The following CACNA2D2 variants were observed in gnomAD, a reference collection of about 807,000 sequenced individuals.
CACNA2D2 encodes voltage-dependent calcium channel subunit alpha-2/delta-2.
A neutral mutation model predicts 166.4 loss-of-function variants in CACNA2D2; 48 were observed. The observed-to-expected ratio is 0.29, with a 90% CI of 0.23 to 0.37. CACNA2D2 has a LOEUF of 0.37. Ranked by LOEUF, CACNA2D2 falls within the 10% of genes least tolerant of loss-of-function variation. The pLI is 1.00. For missense variants in CACNA2D2, 1,122 were observed against 1,433.0 expected, an observed-to-expected ratio of 0.78 and a Z score of 3.50; for synonymous variants, 561 against 573.7, an observed-to-expected ratio of 0.98 and a Z score of 0.32.
chr3:50,462,544 G>T (rs1274795764), intron 2 of CACNA2D2, among the ~76,000 whole-genome samples: 2 of 151,946 alleles, frequency 1.3e-5, no homozygotes, highest in African/African-American at 4.8e-5. Flanking sequence ...GCATTTGCTG[G>T]GTCAGGGCAA....
At chr3:50,423,588 C>A (rs753559078) in intron 3 of CACNA2D2, among the ~76,000 whole-genome samples, 3 of 152,256 alleles carry the variant, frequency 2.0e-5, no homozygotes, top group Non-Finnish European at 4.4e-5. Flanking sequence ...CAGGGAGGGG[C>A]TGGACCCTAG....
intron 2 of CACNA2D2, among the ~76,000 whole-genome samples, chr3:50,472,100 C>A (rs952157315): frequency 6.6e-6 from 1 of 152,198 alleles, no homozygotes; most frequent in Admixed American, 6.5e-5. Flanking sequence ...GGGGCGGCCC[C>A]GGGTAGCTCC....
intron 1 of CACNA2D2, among the ~76,000 whole-genome samples, chr3:50,498,187 G>T (rs1203852638): frequency 6.6e-6 from 1 of 152,128 alleles, no homozygotes; most frequent in Non-Finnish European, 1.5e-5. Context: ...ACAGAGCTCA[G>T]CCCACCTGCC....
intron 3 of CACNA2D2, among the ~76,000 whole-genome samples, chr3:50,424,087 C>T (rs760292501): frequency 9.2e-5 from 14 of 152,240 alleles, no homozygotes; most frequent in Non-Finnish European, 1.8e-4. Context: ...GGTAGGGAAA[C>T]TGAGGCTCAC....
chr3:50,364,917 G>T lies in CACNA2D2; in HGVS notation c.3262C>A (p.Pro1088Thr), dbSNP rs773428058. The T allele has an allele frequency of 6.2e-7, 1 of 1,613,260 alleles. No individual in the cohort carries two copies. Among genetic ancestry groups the T allele is most frequent in the Non-Finnish European group, 8.5e-7 (1 of 1,179,902 alleles). ...GCGTTGTAGTCGAAGCAGATGTGCG[G>T]GCCTCTCCGGTATCGCGGTCTCTGC... Reference protein sequence around the residue: ...LVQRPRYRRGPHICFDYNATE... With the variant: ...LVQRPRYRRGTHICFDYNATE... Residue 1088 changes from proline (P) to threonine (T), a missense_variant, in exon 37 of 38, where the codon CCG becomes ACG. Around this residue, in one of 2 missense-constraint regions of CACNA2D2, gnomAD observed 282 missense variants for 266.2 expected, o/e 1.06. Transcript: ENST00000424201.
Position 50,427,828 on chromosome 3 carries a change from G to A in CACNA2D2, c.405+6485C>T, listed in dbSNP as rs748948836. The stretch of plus-strand genomic sequence containing the variant: ...TGTTCCAGGCCAGGCCTTGGCAGTA[G>A]GCGACATCCATGGCCTGGTCCTCCA... On this transcript the variant is annotated intron_variant, in intron 3 of 37. Coordinates refer to ENST00000424201, the MANE Select transcript of CACNA2D2 (RefSeq NM_006030.4). This position sits in a 1 kb window ranked among gnomAD's most constrained non-coding sequence, Gnocchi z 4.7. Among the ~76,000 whole-genome samples, 1 of 152,202 alleles carries A rather than the reference G, an allele frequency of 6.6e-6. No homozygotes were observed. Among genetic ancestry groups the A allele is most frequent in the African/African-American group, 2.4e-5 (1 of 41,450 alleles).
intron 23 of CACNA2D2, among the ~76,000 whole-genome samples, chr3:50,369,775 G>A (rs751800157): frequency 4.6e-5 from 7 of 152,212 alleles, no homozygotes; most frequent in Non-Finnish European, 1.0e-4. Flanking sequence ...TCGGGGCCCC[G>A]TCTCCTCATC....
In CACNA2D2 at chr3:50,380,621, G is replaced by A; in HGVS notation, c.842+127C>T. 1 of 764,116 alleles carries A rather than the reference G, an allele frequency of 1.3e-6. No homozygotes were observed. The highest frequency in any genetic ancestry group is 2.0e-6 in the Non-Finnish European group (1 of 488,358). The allele number at this position is 764,116 out of a possible 1,614,324, so 47.3% of individuals were successfully genotyped here. ...CCATTTTCCAGTGGCAACCATGTGT[G>A]AAATGAAAATTGGATACAGCTGGCT... On this transcript the variant is annotated intron_variant, in intron 8 of 37. Coordinates refer to ENST00000424201, the MANE Select transcript of CACNA2D2 (RefSeq NM_006030.4). This position sits in a 1 kb window ranked among gnomAD's most constrained non-coding sequence, Gnocchi z 4.9.
At chr3:50,453,250 C>G (rs749106868) in intron 2 of CACNA2D2, among the ~76,000 whole-genome samples, 1 of 152,196 alleles carries the variant, frequency 6.6e-6, no homozygotes, top group Admixed American at 6.5e-5. Context: ...TTCCCTAAAC[C>G]CCCTGGTGAG....
chr3:50,494,263 T>C (rs955278741), intron 1 of CACNA2D2, among the ~76,000 whole-genome samples: 4 of 150,482 alleles, frequency 2.7e-5, no homozygotes, highest in African/African-American at 9.8e-5. Flanking sequence ...AGGGCGGGGG[T>C]GGGTTGTTTA....
rs773152404 is a variant in CACNA2D2 at position 50,378,976 on chromosome 3, G to A, written c.1278C>T (p.Phe426=). Residue 426 remains phenylalanine (F), a synonymous_variant, in exon 13 of 38, where the codon TTC becomes TTT. Transcript: ENST00000424201. ...CGTCATAGTTATGCTGCCCCACGGAGAAAGTAAACACGCGCACCTGTGGGG... is the reference window on the plus strand; with the variant it reads ...CGTCATAGTTATGCTGCCCCACGGAAAAAGTAAACACGCGCACCTGTGGGG... ...WPNRTVRVFT[F]SVGQHNYDVT... is the part of the protein sequence containing the mutation. 1 of 1,613,960 alleles carries A rather than the reference G, an allele frequency of 6.2e-7. No homozygotes were observed. Among genetic ancestry groups the A allele is most frequent in the South Asian group, 1.1e-5 (1 of 91,090 alleles).
intron 3 of CACNA2D2, among the ~76,000 whole-genome samples, chr3:50,429,695 G>A (rs1707979944): frequency 2.0e-5 from 3 of 150,852 alleles, no homozygotes; most frequent in Admixed American, 6.6e-5. Flanking sequence ...GCGTGAACCC[G>A]GGAGGCGGAG....
chr3:50,429,087 A>G (rs55790255), intron 3 of CACNA2D2, among the ~76,000 whole-genome samples: 13,599 of 152,168 alleles, frequency 0.089, 1,859 homozygotes, highest in African/African-American at 0.29. Context: ...AAAAATAGCC[A>G]GGCATGGTGA....
chr3:50,462,691 G>T (rs184362675), intron 2 of CACNA2D2, among the ~76,000 whole-genome samples: 93 of 151,948 alleles, frequency 6.1e-4, no homozygotes, highest in African/African-American at 2.1e-3. Context: ...AAGAAGTAGC[G>T]ACATAAGTAT....
chr3:50,455,377 A>G (rs1709306326), intron 2 of CACNA2D2, among the ~76,000 whole-genome samples: 1 of 152,144 alleles, frequency 6.6e-6, no homozygotes, highest in African/African-American at 2.4e-5. Flanking sequence ...TTACAGGGAG[A>G]CGTCAAAGCC....
intron 3 of CACNA2D2, among the ~76,000 whole-genome samples, chr3:50,394,926 C>T (rs992912509): frequency 3.9e-5 from 6 of 152,208 alleles, no homozygotes; most frequent in Admixed American, 6.5e-5. Context: ...GGACAGGAAG[C>T]GCAGTGCTGT....
At chr3:50,488,368 TTTCATTCA>T (rs1158416719) in intron 1 of CACNA2D2, among the ~76,000 whole-genome samples, 2 of 152,034 alleles carry the variant, frequency 1.3e-5, no homozygotes, top group Non-Finnish European at 2.9e-5. Context: ...CAGGAGCTGA[TTTCATTCA>T]TTCATTCATT....
chr3:50,398,911 G>A (rs553387349), intron 3 of CACNA2D2, among the ~76,000 whole-genome samples: 6 of 152,208 alleles, frequency 3.9e-5, no homozygotes, highest in Non-Finnish European at 8.8e-5. Flanking sequence ...CTGGGCTGGG[G>A]ACAATACTCC....
At position 50,362,731 on chromosome 3, in the gene CACNA2D2, G is replaced by C. The variant is rs1010909650; in HGVS notation, c.*1935C>G. 1.3e-5 allele frequency: 2 copies of C among 159,350 alleles called. No homozygotes were observed. Among genetic ancestry groups the C allele is most frequent in the African/African-American group, 4.8e-5 (2 of 41,740 alleles). The allele number at this position is 159,350 out of a possible 1,614,324, so 9.9% of individuals were successfully genotyped here. A position where few individuals can be genotyped will look rare whatever the true frequency, so the allele number is the denominator to read the frequency against. Reference sequence around the variant, plus strand: ...TGCAGAGCACTAAGTGGGACTCTGAGGTCTTGGCCAACTGTCTTCATAGCT... The same window carrying C: ...TGCAGAGCACTAAGTGGGACTCTGACGTCTTGGCCAACTGTCTTCATAGCT... On this transcript the variant is annotated 3_prime_UTR_variant, in exon 38 of 38. Transcript: ENST00000424201.
Sources: gnomAD v4.1 joint callset for allele counts (sites outside exome capture counted in the v4.1 genomes callset) on GRCh38, gnomAD v4.1.1 for gene constraint, gnomAD v4.1.1 regional missense constraint, Gnocchi (gnomAD v3.1) non-coding constraint, MANE v1.5 for transcripts, NCBI Gene and HGNC (gene_info 2026-07-23, HGNC 2026-07-21) for gene names.